The following ZZEF1 variants were observed in gnomAD, a reference collection of about 807,000 sequenced individuals.
ZZEF1 encodes zinc finger ZZ-type and EF-hand domain-containing protein 1.
In ZZEF1, 157 loss-of-function variants were observed where a neutral mutation model predicts 342.8. The ratio of observed to expected loss-of-function variants is 0.46; its 90% CI spans 0.40 to 0.52. The LOEUF is 0.52. Ranked by LOEUF, ZZEF1 falls within the 20% of genes least tolerant of loss-of-function variation. The pLI is 0.00. For synonymous variants in ZZEF1, 1,505 were observed against 1,429.1 expected (o/e 1.05, Z -1.20); for missense variants, 3,480 against 3,725.6 (o/e 0.93, Z 1.72).
At chr17:4,052,235 A>G in intron 34 of ZZEF1, 99 bp from the exon 35 acceptor site, 1 of 1,228,514 alleles carries the variant, frequency 8.1e-7, no homozygotes, top group East Asian at 2.6e-5. Flanking sequence ...GCCGTTCCCA[A>G]GTGACTGCTC....
In ZZEF1 at chr17:4,114,433, A is replaced by G; in HGVS notation, c.732T>C (p.Asp244=). ...AGCACTTTGCTACTGACTTGAGTTT[A>G]TCCATCTCTGGACTTCTAGTTAGAT... ...PGDLTRSPEM[D]KLKSVAKCYA... The change falls in exon 4 of 55, where the codon GAT becomes GAC. Residue 244 remains aspartate (D), a synonymous_variant. Coordinates refer to ENST00000381638, the MANE Select transcript of ZZEF1 (RefSeq NM_015113.4). 2 of 1,602,922 alleles carry G rather than the reference A, an allele frequency of 1.2e-6. No homozygotes were observed. The highest frequency in any genetic ancestry group is 2.7e-5 in the African/African-American group (2 of 74,590).
intron 1 of ZZEF1, 66 bp from the exon 2 acceptor site, chr17:4,124,117 T>C (rs7214779): frequency 0.14 from 205,517 of 1,503,712 alleles, 15,000 homozygotes; most frequent in African/African-American, 0.23. Context: ...TTCAAGTTTC[T>C]TTTATTTAAA....
At chr17:4,006,995 C>T (rs1433581697) in intron 54 of ZZEF1, 25 bp from the exon 55 acceptor site, 3 of 1,557,330 alleles carry the variant, frequency 1.9e-6, no homozygotes, top group East Asian at 2.3e-5. Context: ...AGAGTTGTCG[C>T]CAATGTCGGG....
intron 6 of ZZEF1, among the ~76,000 whole-genome samples, chr17:4,106,314 TC>T (rs1262471882): frequency 6.6e-6 from 1 of 152,182 alleles, no homozygotes; most frequent in Admixed American, 6.5e-5. Flanking sequence ...TTTGTTTGTT[TC>T]TTTCTTTCTT....
In ZZEF1 at chr17:4,009,102, G is replaced by C. The variant is rs2055877040; in HGVS notation, c.8734-148C>G. Reference sequence around the variant, plus strand: ...GCCCAGCACCGCGTGGCACTGCCTTGCTCAGAACCCTGGCGGGAGCCAGGT... The same window carrying C: ...GCCCAGCACCGCGTGGCACTGCCTTCCTCAGAACCCTGGCGGGAGCCAGGT... On this transcript the variant is annotated intron_variant, in intron 53 of 54. Transcript: ENST00000381638. 3.0e-6 allele frequency: 3 copies of C among 986,734 alleles called. No individual in the cohort carries two copies. In the Admixed American group the frequency reaches 8.1e-5, roughly 27 times the overall value. 61.1% of individuals were successfully genotyped at this position (986,734 alleles called of 1,614,324 possible). A position where few individuals can be genotyped will look rare whatever the true frequency, so the allele number is the denominator to read the frequency against.
chr17:4,054,467 A>T (rs2057114190), intron 33 of ZZEF1, among the ~76,000 whole-genome samples: 1 of 152,230 alleles, frequency 6.6e-6, no homozygotes, highest in African/African-American at 2.4e-5. Context: ...AGGTCAAAGA[A>T]GGTTTTCCAA....
intron 34 of ZZEF1, 100 bp downstream of exon 34, chr17:4,053,957 C>T (rs569787446): frequency 5.1e-6 from 7 of 1,374,256 alleles, no homozygotes; most frequent in Non-Finnish European, 6.9e-6. Flanking sequence ...CTGGGCAGTA[C>T]TTTGATTTAG....
intron 39 of ZZEF1, among the ~76,000 whole-genome samples, chr17:4,036,787 A>G (rs2056674747): frequency 1.3e-5 from 1 of 78,620 alleles, no homozygotes. Flanking sequence ...ACACACACAC[A>G]CACACACACA....
At chr17:4,105,195 T>C (rs1297531738) in intron 7 of ZZEF1, among the ~76,000 whole-genome samples, 2 of 152,256 alleles carry the variant, frequency 1.3e-5, no homozygotes, top group East Asian at 1.9e-4. Context: ...AAACACATTA[T>C]ACTGAAACGT....
At chr17:4,066,420 G>A in intron 28 of ZZEF1, 27 bp downstream of exon 28, 1 of 1,609,052 alleles carries the variant, frequency 6.2e-7, no homozygotes, top group Non-Finnish European at 8.5e-7. Context: ...AAGGCTCAGG[G>A]ACAACAGCTG....
chr17:4,063,709 G>A (rs897614443), intron 29 of ZZEF1, among the ~76,000 whole-genome samples: 32 of 150,398 alleles, frequency 2.1e-4, no homozygotes, highest in Admixed American at 1.5e-3. Context: ...CTACGGGCAG[G>A]TGCCACCACA....
chr17:4,130,503 T>C (rs2058646471), intron 1 of ZZEF1, among the ~76,000 whole-genome samples: 1 of 151,590 alleles, frequency 6.6e-6, no homozygotes, highest in Non-Finnish European at 1.5e-5. Context: ...AATGAAAATA[T>C]CACAACAAAA....
intron 19 of ZZEF1, among the ~76,000 whole-genome samples, chr17:4,077,240 T>A (rs774884865): frequency 4.6e-5 from 7 of 152,162 alleles, no homozygotes; most frequent in Non-Finnish European, 7.3e-5. Context: ...CTTGTAGAAG[T>A]GAAATTCCAT....
chr17:4,088,210 A>G (rs1378027307), intron 13 of ZZEF1, among the ~76,000 whole-genome samples: 1 of 152,218 alleles, frequency 6.6e-6, no homozygotes, highest in Non-Finnish European at 1.5e-5. Flanking sequence ...ACTGTGTTAT[A>G]TTACTGACTG....
chr17:4,120,177 T>C (rs2058460277), intron 2 of ZZEF1, among the ~76,000 whole-genome samples: 1 of 151,926 alleles, frequency 6.6e-6, no homozygotes, highest in Non-Finnish European at 1.5e-5. Flanking sequence ...GCCAACATGA[T>C]GAAACCCCAT....
rs1023010262 is a variant in ZZEF1 at position 4,096,039 on chromosome 17, T to C, written c.1765-60A>G. The C allele has an allele frequency of 4.6e-6, 7 of 1,524,862 alleles. No individual in the cohort carries two copies. The Admixed American group carries it at 1.0e-4, about 22-fold the overall frequency. 94.5% of individuals were successfully genotyped at this position (1,524,862 alleles called of 1,614,324 possible). ...GGGCAAAAGTTCTGTGGCCGTTTTG[T>C]TTCCAGCATGGTTAAATTCAAACAG... On this transcript the variant is annotated intron_variant, in intron 10 of 54. Coordinates refer to ENST00000381638, the MANE Select transcript of ZZEF1 (RefSeq NM_015113.4).
At chr17:4,026,061 G>C (rs1160049100) in intron 42 of ZZEF1, among the ~76,000 whole-genome samples, 2 of 152,164 alleles carry the variant, frequency 1.3e-5, no homozygotes, top group South Asian at 2.1e-4. Flanking sequence ...GGGTGGGTTG[G>C]GGAGAGCTCT....
intron 9 of ZZEF1, among the ~76,000 whole-genome samples, chr17:4,097,258 A>AG (rs1567838809): frequency 1.3e-5 from 2 of 151,408 alleles, no homozygotes; most frequent in African/African-American, 2.4e-5. Flanking sequence ...TCTCAAAAAA[A>AG]AAAAAGAAAA....
intron 26 of ZZEF1, among the ~76,000 whole-genome samples, chr17:4,069,198 G>C (rs2603024): frequency 0.043 from 6,557 of 152,196 alleles, 500 homozygotes; most frequent in African/African-American, 0.15. Context: ...TTAACCCACA[G>C]GCTTTTATCC....
Sources: allele counts gnomAD v4.1 joint callset (sites outside exome capture counted in the v4.1 genomes callset), GRCh38; gene constraint gnomAD v4.1.1; transcripts MANE v1.5; gene names NCBI Gene and HGNC (gene_info 2026-07-23, HGNC 2026-07-21).